Variants in SUPT3H observed in about 807,000 individuals in gnomAD.
SUPT3H encodes the protein SPT3 homolog, SAGA and STAGA complex component.
SUPT3H carries 44 observed loss-of-function variants against 44.3 expected under a neutral mutation model. The observed-to-expected ratio is 0.99, with a 90% confidence interval of 0.78 to 1.28. The LOEUF is 1.28. Ranked by LOEUF, SUPT3H falls within the 50% of genes most tolerant of loss-of-function variation. The pLI is 0.00. For missense variants in SUPT3H, 380 were observed against 387.1 expected, an observed-to-expected ratio of 0.98 and a Z score of 0.15; for synonymous variants, 124 against 125.6, an observed-to-expected ratio of 0.99 and a Z score of 0.09.
At chr6:45,204,251 A>AAGC (rs1762868389) in intron 2 of SUPT3H, among the ~76,000 whole-genome samples, 1 of 4,796 alleles carries the variant, frequency 2.1e-4, no homozygotes, top group African/African-American at 6.4e-4. Flanking sequence ...CGTCTCAAAA[A>AAGC]AGAAGAAGAA....
intron 2 of SUPT3H, among the ~76,000 whole-genome samples, chr6:45,248,191 C>T (rs1246723529): frequency 1.3e-5 from 2 of 151,792 alleles, no homozygotes; most frequent in South Asian, 2.1e-4. Context: ...GTACAGAGTT[C>T]CTAGATATAA....
At chr6:45,068,975 T>C (rs1277951427) in intron 3 of SUPT3H, among the ~76,000 whole-genome samples, 5 of 146,958 alleles carry the variant, frequency 3.4e-5, no homozygotes, top group African/African-American at 9.9e-5. Context: ...AGTTTTACTT[T>C]GCAAAAAAAA....
intron 2 of SUPT3H, among the ~76,000 whole-genome samples, chr6:45,348,430 G>A (rs935995298): frequency 2.0e-5 from 3 of 151,176 alleles, no homozygotes; most frequent in Admixed American, 1.3e-4. Context: ...ACTTTGGGAG[G>A]CCGAGGTAGA....
At chr6:45,235,402 A>G (rs1395103861) in intron 2 of SUPT3H, among the ~76,000 whole-genome samples, 1 of 152,176 alleles carries the variant, frequency 6.6e-6, no homozygotes, top group Non-Finnish European at 1.5e-5. Context: ...ATCAAGTGGC[A>G]TTAAATTTGT....
chr6:44,949,607 C>A (rs1404765760), intron 9 of SUPT3H, among the ~76,000 whole-genome samples: 1 of 69,528 alleles, frequency 1.4e-5, no homozygotes, highest in African/African-American at 3.3e-5. Context: ...AGCCCCTTTG[C>A]CTGCAAAAAA....
At chr6:44,863,182 G>A (rs554703909) in intron 10 of SUPT3H, among the ~76,000 whole-genome samples, 1 of 152,278 alleles carries the variant, frequency 6.6e-6, no homozygotes, top group South Asian at 2.1e-4. Context: ...ATCCAGTCAT[G>A]CACTGATTAC....
intron 2 of SUPT3H, among the ~76,000 whole-genome samples, chr6:45,131,464 A>G (rs1346417344): frequency 6.6e-6 from 1 of 152,172 alleles, no homozygotes; most frequent in African/African-American, 2.4e-5. Flanking sequence ...TAACATACAT[A>G]TTAACAGCTT....
chr6:45,273,410 C>T (rs1031762899), intron 2 of SUPT3H, among the ~76,000 whole-genome samples: 12 of 152,138 alleles, frequency 7.9e-5, no homozygotes, highest in Non-Finnish European at 1.5e-4. Context: ...ACCACCCAAG[C>T]TTCCCCATAA....
intron 2 of SUPT3H, among the ~76,000 whole-genome samples, chr6:45,263,399 T>C (rs553388424): frequency 1.3e-5 from 2 of 152,224 alleles, no homozygotes; most frequent in Admixed American, 1.3e-4. Context: ...CCAAATACCA[T>C]ATGTTCTCAT....
chr6:45,177,797 G>C (rs1402876155), intron 2 of SUPT3H, among the ~76,000 whole-genome samples: 2 of 152,128 alleles, frequency 1.3e-5, no homozygotes, highest in South Asian at 2.1e-4. Context: ...TTTCAACCCA[G>C]AATTTCATAT....
At chr6:44,947,923 C>T (rs1773615675) in intron 9 of SUPT3H, among the ~76,000 whole-genome samples, 1 of 152,134 alleles carries the variant, frequency 6.6e-6, no homozygotes, top group Non-Finnish European at 1.5e-5. Context: ...ATCATCATGA[C>T]ATGGGAGTAG....
intron 2 of SUPT3H, among the ~76,000 whole-genome samples, chr6:45,129,677 A>T (rs769595483): frequency 1.5e-4 from 23 of 152,166 alleles, no homozygotes; most frequent in Admixed American, 2.6e-4. Flanking sequence ...TAATAAATTT[A>T]AAAATAAACT....
intron 2 of SUPT3H, among the ~76,000 whole-genome samples, chr6:45,252,248 G>A (rs1772507928): frequency 6.6e-6 from 1 of 152,122 alleles, no homozygotes; most frequent in Non-Finnish European, 1.5e-5. Flanking sequence ...TTTGTCCAAG[G>A]TCACAGTTCA....
chr6:45,353,108 C>CCA (rs1338649614), intron 2 of SUPT3H, among the ~76,000 whole-genome samples: 2 of 152,026 alleles, frequency 1.3e-5, no homozygotes, highest in Non-Finnish European at 2.9e-5. Flanking sequence ...CTGTTTCTCT[C>CCA]CAGTGTTGTT....
At chr6:45,277,838 T>C (rs1046907026) in intron 2 of SUPT3H, among the ~76,000 whole-genome samples, 1 of 152,198 alleles carries the variant, frequency 6.6e-6, no homozygotes, top group South Asian at 2.1e-4. Context: ...TCACAGCTGT[T>C]ACTTTTTCAA....
Position 45,377,904 on chromosome 6 carries a change from T to G in SUPT3H, c.-137A>C. On this transcript the variant is annotated 5_prime_UTR_variant, in exon 1 of 11. Coordinates refer to ENST00000371459, the MANE Select transcript of SUPT3H (RefSeq NM_003599.4). The stretch of plus-strand genomic sequence containing the variant: ...GGGGTGGGGGACTGAGAGTGTGGAG[T>G]GTAGAAAGGGAAAAGGTGACTCGGC... 3.6e-5 allele frequency: 5 copies of G among 140,366 alleles called. No individual in the cohort carries two copies. Among genetic ancestry groups the G allele is most frequent in the Non-Finnish European group, 4.6e-5 (3 of 64,980 alleles). The allele number at this position is 140,366 out of a possible 1,614,324, so 8.7% of individuals were successfully genotyped here. A position where few individuals can be genotyped will look rare whatever the true frequency, so the allele number is the denominator to read the frequency against.
At chr6:45,132,161 A>T (rs960750245) in intron 2 of SUPT3H, among the ~76,000 whole-genome samples, 1 of 152,186 alleles carries the variant, frequency 6.6e-6, no homozygotes, top group Non-Finnish European at 1.5e-5. Context: ...ACTGCAAATA[A>T]GAGGAGGACT....
At chr6:45,075,187 G>T (rs1309350514) in intron 3 of SUPT3H, among the ~76,000 whole-genome samples, 1 of 152,014 alleles carries the variant, frequency 6.6e-6, no homozygotes, top group Non-Finnish European at 1.5e-5. Context: ...TATAATTATA[G>T]TATTTTGAAA....
intron 2 of SUPT3H, among the ~76,000 whole-genome samples, chr6:45,153,695 AC>A (rs1180515016): frequency 6.6e-6 from 1 of 151,980 alleles, no homozygotes; most frequent in Non-Finnish European, 1.5e-5. Context: ...ACATGGTGAA[AC>A]CCTGCCTCTA....
Sources: allele counts gnomAD v4.1 joint callset (sites outside exome capture counted in the v4.1 genomes callset), GRCh38; gene constraint gnomAD v4.1.1; transcripts MANE v1.5; gene names NCBI Gene and HGNC (gene_info 2026-07-23, HGNC 2026-07-21).